Variants in ZC3H12D observed in about 807,000 individuals in gnomAD.
ZC3H12D encodes probable ribonuclease ZC3H12D.
In ZC3H12D, 11 loss-of-function variants were observed where a neutral mutation model predicts 24.2. That is an observed-to-expected ratio of 0.46 (90% confidence interval 0.29 to 0.75). The LOEUF is 0.75. Among genes scored for constraint, ZC3H12D ranks in the 30% least tolerant of loss-of-function variants. The pLI, the probability that ZC3H12D is intolerant of heterozygous loss-of-function variation, is 0.11. For missense variants in ZC3H12D, 740 were observed against 767.7 expected, an observed-to-expected ratio of 0.96 and a Z score of 0.43; for synonymous variants, 333 against 341.8, an observed-to-expected ratio of 0.97 and a Z score of 0.28.
chr6:149,473,183 G>A (rs1162905049), intron 2 of ZC3H12D, among the ~76,000 whole-genome samples: 1 of 150,982 alleles, frequency 6.6e-6, no homozygotes, highest in Non-Finnish European at 1.5e-5. Context: ...TGCAGGGACA[G>A]CCCCTGAGGC....
rs947774046 is a variant in ZC3H12D, at chr6:149,456,020, G to A, written c.680+646C>T. 7.3e-5 allele frequency among the ~76,000 whole-genome samples: 11 copies of A among 151,700 alleles called. No homozygotes were observed. The highest frequency in any genetic ancestry group is 1.7e-4 in the African/African-American group (7 of 41,260). ...TGTAATCCCAGCACTTTGGGAAGCC[G>A]AGGTGGACAGATCACAAGGTCAGGA... On this transcript the variant is annotated intron_variant, in intron 4 of 5. Transcript: ENST00000409806. The surrounding 1 kb of genome is among the most constrained non-coding windows in gnomAD (Gnocchi z 4.3).
chr6:149,465,269 G>A (rs143036180), intron 2 of ZC3H12D, among the ~76,000 whole-genome samples: 1,723 of 151,388 alleles, frequency 0.011, 38 homozygotes, highest in African/African-American at 0.04. Flanking sequence ...CTGGAGAATC[G>A]CGTGAGCCTG....
At chr6:149,454,027 T>G (rs1775941357) in intron 4 of ZC3H12D, among the ~76,000 whole-genome samples, 1 of 151,716 alleles carries the variant, frequency 6.6e-6, no homozygotes, top group African/African-American at 2.4e-5. Flanking sequence ...GAACAGGGAG[T>G]TTGAATCAGT....
intron 1 of ZC3H12D, among the ~76,000 whole-genome samples, chr6:149,477,096 T>C (rs1478932049): frequency 2.0e-5 from 3 of 152,242 alleles, no homozygotes; most frequent in Non-Finnish European, 4.4e-5. Context: ...CTCATCCTCA[T>C]CTCAGTATCA....
intron 2 of ZC3H12D, among the ~76,000 whole-genome samples, chr6:149,466,917 AAAATAAAATAAAAT>A (rs1215600974): frequency 1.2e-4 from 12 of 97,634 alleles, no homozygotes; most frequent in African/African-American, 4.3e-4. Context: ...AAAATAAAAT[AAAATAAAATAAAAT>A]AAAAAAGCTG....
intron 1 of ZC3H12D, among the ~76,000 whole-genome samples, chr6:149,475,739 C>A (rs569631120): frequency 1.3e-5 from 2 of 151,370 alleles, no homozygotes; most frequent in African/African-American, 4.9e-5. Flanking sequence ...GGGCCTGCCC[C>A]AAATTTCATC....
At chr6:149,466,921 TA>T (rs1276983962) in intron 2 of ZC3H12D, among the ~76,000 whole-genome samples, 1 of 149,112 alleles carries the variant, frequency 6.7e-6, no homozygotes, top group Non-Finnish European at 1.5e-5. Context: ...TAAAATAAAA[TA>T]AAATAAAATA....
At position 149,452,591 on chromosome 6, in the gene ZC3H12D, C is replaced by T; in HGVS notation, c.787+25G>A. On this transcript the variant is annotated intron_variant, in intron 5 of 5. Coordinates refer to ENST00000409806, the MANE Select transcript of ZC3H12D (RefSeq NM_207360.3). The surrounding 1 kb of genome is among the most constrained non-coding windows in gnomAD (Gnocchi z 4.0). ...CCCCACACAAGGCCCTGAACAGGGC[C>T]TGCGAAGCACTGGGCCCTACCCACC... 1 of 1,506,056 alleles carries T rather than the reference C, an allele frequency of 6.6e-7. No individual in the cohort carries two copies. Among genetic ancestry groups the T allele is most frequent in the Non-Finnish European group, 8.9e-7 (1 of 1,128,952 alleles). The allele number at this position is 1,506,056 out of a possible 1,614,324, so 93.3% of individuals were successfully genotyped here.
At chr6:149,464,251 A>T (rs7760102) in intron 2 of ZC3H12D, among the ~76,000 whole-genome samples, 10,529 of 152,184 alleles carry the variant, frequency 0.069, 1,232 homozygotes, top group African/African-American at 0.24. Flanking sequence ...AAGCCAGGGG[A>T]AAAGGGGTCA....
chr6:149,473,147 A>AC (rs1209966535), intron 2 of ZC3H12D, among the ~76,000 whole-genome samples: 3 of 151,810 alleles, frequency 2.0e-5, no homozygotes, highest in African/African-American at 7.3e-5. Flanking sequence ...AAAAAAAAAA[A>AC]AACTCAAAGT....
intron 1 of ZC3H12D, among the ~76,000 whole-genome samples, chr6:149,484,149 C>A (rs909512960): frequency 5.9e-5 from 9 of 152,208 alleles, no homozygotes; most frequent in Non-Finnish European, 1.3e-4. Flanking sequence ...CAGGGATGGG[C>A]ACCCCACGAT....
At chr6:149,470,995 C>A (rs1776234822) in intron 2 of ZC3H12D, among the ~76,000 whole-genome samples, 1 of 152,166 alleles carries the variant, frequency 6.6e-6, no homozygotes, top group African/African-American at 2.4e-5. Context: ...AGAGGTCCAG[C>A]AAAACTGGGG....
rs765932613 is a variant in ZC3H12D, at chr6:149,452,726, G to A, written c.681-4C>T. The A allele has an allele frequency of 2.5e-6, 4 of 1,594,286 alleles. No individual in the cohort carries two copies. Among genetic ancestry groups the A allele is most frequent in the Non-Finnish European group, 3.4e-6 (4 of 1,172,210 alleles). On this transcript the variant is annotated splice_polypyrimidine_tract_variant and splice_region_variant and intron_variant, in intron 4 of 5. Coordinates refer to ENST00000409806, the MANE Select transcript of ZC3H12D (RefSeq NM_207360.3). This position sits in a 1 kb window ranked among gnomAD's most constrained non-coding sequence, Gnocchi z 4.0. ...GGGGTCATCAGGCGGCATGAACCTG[G>A]AAAATAAGCACAGGGGCAACTGCAA...
Position 149,456,623 on chromosome 6 carries a change from G to GGGGGCAGA in ZC3H12D, c.680+42_680+43insTCTGCCCC. The GGGGGCAGA allele has an allele frequency of 1.3e-6, 1 of 744,590 alleles. No individual in the cohort carries two copies. The highest frequency in any genetic ancestry group is 2.2e-6 in the Non-Finnish European group (1 of 456,108). The allele number at this position is 744,590 out of a possible 1,614,324, so 46.1% of individuals were successfully genotyped here. On this transcript the variant is annotated intron_variant, in intron 4 of 5. Transcript: ENST00000409806. This position sits in a 1 kb window ranked among gnomAD's most constrained non-coding sequence, Gnocchi z 4.3. ...GCCACTGCCTCGACCCCGGCCCCCCGCCCCGCCGCCCCCCAGGGTGTCAGG... is the reference window on the plus strand; with the variant it reads ...GCCACTGCCTCGACCCCGGCCCCCCGGGGGCAGACCCCGCCGCCCCCCAGGGTGTCAGG...
chr6:149,450,847 C>G lies in ZC3H12D; in HGVS notation c.1420G>C (p.Glu474Gln), dbSNP rs1253382443. The change falls in exon 6 of 6, where the codon GAG becomes CAG. Residue 474 changes from glutamate (E) to glutamine (Q), a missense_variant. Transcript: ENST00000409806. ...GLSVYATEDDEGDARARARIA... is the reference protein window; with the variant it reads ...GLSVYATEDDQGDARARARIA... Reference sequence around the variant, plus strand: ...CGAGCCCGGGCGCGCGCGTCCCCCTCGTCGTCCTCGGTCGCGTACACTGAA... The same window carrying G: ...CGAGCCCGGGCGCGCGCGTCCCCCTGGTCGTCCTCGGTCGCGTACACTGAA... 5.2e-6 allele frequency: 8 copies of G among 1,544,534 alleles called. No homozygotes were observed. The East Asian group carries it at 1.7e-4, about 33-fold the overall frequency.
At chr6:149,475,545 G>A (rs1247527070) in intron 1 of ZC3H12D, among the ~76,000 whole-genome samples, 1 of 151,944 alleles carries the variant, frequency 6.6e-6, no homozygotes, top group African/African-American at 2.4e-5. Context: ...GTGAAACCCC[G>A]TCTCTACTAA....
At position 149,460,644 on chromosome 6, in the gene ZC3H12D, A is replaced by G. The variant is rs551018357; in HGVS notation, c.445+1187T>C. Among the ~76,000 whole-genome samples, 6 of 152,240 alleles carry G rather than the reference A, an allele frequency of 3.9e-5. No homozygotes were observed. In the South Asian group the frequency reaches 1.2e-3, roughly 32 times the overall value. On this transcript the variant is annotated intron_variant, in intron 3 of 5. Transcript: ENST00000409806. ...GAGGTCAGGAGTTCAAGACCAGCCA[A>G]CATGATGAAACCCCATCTCTAATAA... is the stretch of plus-strand genomic sequence containing the variant.
chr6:149,484,058 G>A (rs902604066), intron 1 of ZC3H12D, among the ~76,000 whole-genome samples: 5 of 152,066 alleles, frequency 3.3e-5, no homozygotes, highest in African/African-American at 1.2e-4. Context: ...GTTTCTCTAA[G>A]GCGGACACAC....
intron 2 of ZC3H12D, among the ~76,000 whole-genome samples, chr6:149,468,132 T>C (rs677525): frequency 0.46 from 69,280 of 151,970 alleles, 18,489 homozygotes; most frequent in African/African-American, 0.75. Flanking sequence ...CAAGCATGCA[T>C]CACCACACCC....
Sources: allele counts gnomAD v4.1 joint callset (sites outside exome capture counted in the v4.1 genomes callset), GRCh38; gene constraint gnomAD v4.1.1; non-coding constraint Gnocchi (gnomAD v3.1); transcripts MANE v1.5; gene names NCBI Gene and HGNC (gene_info 2026-07-23, HGNC 2026-07-21).